GTF2H1: variants seen among roughly 807,000 people sequenced by gnomAD.
The protein encoded by GTF2H1 is BTF2 p62.
In GTF2H1, 16 loss-of-function variants were observed where a neutral mutation model predicts 71.2. That is an observed-to-expected ratio of 0.22 (90% CI 0.15 to 0.34). GTF2H1 has a LOEUF of 0.34. Among genes scored for constraint, GTF2H1 ranks in the 10% least tolerant of loss-of-function variants. The pLI is 1.00. For synonymous variants in GTF2H1, 215 were observed against 219.0 expected (o/e 0.98, Z 0.16); for missense variants, 498 against 648.2 (o/e 0.77, Z 2.52).
intron 11 of GTF2H1, among the ~76,000 whole-genome samples, chr11:18,353,277 C>T (rs911646606): frequency 6.6e-6 from 1 of 152,160 alleles, no homozygotes; most frequent in Non-Finnish European, 1.5e-5. Flanking sequence ...TGTATTTTAT[C>T]ACTGCGGCTT....
chr11:18,332,997 A>G (rs1864936273), intron 1 of GTF2H1, 63 bp from the exon 2 acceptor site: 15 of 1,184,846 alleles, frequency 1.3e-5, no homozygotes, highest in Non-Finnish European at 1.8e-5. Flanking sequence ...CTAGAAGTCA[A>G]CAAATTCAAC....
At chr11:18,345,951 C>T (rs564968395) in intron 7 of GTF2H1, among the ~76,000 whole-genome samples, 8 of 152,084 alleles carry the variant, frequency 5.3e-5, no homozygotes, top group Middle Eastern at 3.4e-3. Context: ...CCACCTCGCC[C>T]GGCTAATTTT....
At chr11:18,347,494 T>C (rs1865320357) in intron 7 of GTF2H1, 94 bp from the exon 8 acceptor site, 1 of 729,428 alleles carries the variant, frequency 1.4e-6, no homozygotes, top group Non-Finnish European at 2.2e-6. Context: ...GTAATAAAAG[T>C]CCCATCATCC....
intron 3 of GTF2H1, among the ~76,000 whole-genome samples, chr11:18,337,115 A>T (rs550562549): frequency 1.3e-5 from 2 of 152,160 alleles, no homozygotes; most frequent in Non-Finnish European, 2.9e-5. Flanking sequence ...ATATCTGTGC[A>T]TGCTTAGCGC....
chr11:18,336,443 T>C (rs944054707), intron 3 of GTF2H1, among the ~76,000 whole-genome samples: 1 of 152,222 alleles, frequency 6.6e-6, no homozygotes, highest in East Asian at 1.9e-4. Context: ...TCCTCACTTT[T>C]GCTATGATAC....
At chr11:18,356,368 ACT>A (rs1865545535) in intron 11 of GTF2H1, among the ~76,000 whole-genome samples, 1 of 136,602 alleles carries the variant, frequency 7.3e-6, no homozygotes, top group African/African-American at 2.9e-5. Context: ...ATAGAGTGAG[ACT>A]CTGTCTCAAA....
At chr11:18,355,958 G>C (rs1461634298) in intron 11 of GTF2H1, among the ~76,000 whole-genome samples, 3 of 152,154 alleles carry the variant, frequency 2.0e-5, no homozygotes, top group African/African-American at 7.2e-5. Context: ...GTGTCTTTCT[G>C]ACAATATCCC....
chr11:18,340,829 C>A (rs913555268), intron 5 of GTF2H1, among the ~76,000 whole-genome samples: 2 of 152,136 alleles, frequency 1.3e-5, no homozygotes, highest in African/African-American at 4.8e-5. Flanking sequence ...GCTCAGCAAA[C>A]AATGCTGTTG....
At position 18,347,882 on chromosome 11, in the gene GTF2H1, C is replaced by G; in HGVS notation, c.1016C>G (p.Ser339Cys). ...TSEPSNMDGN[S>C]GDADCFQPAV... ...GAGCCCAGCAACATGGATGGAAATT[C>G]CGGAGATGCAGACTGCTTTCAGCCA... The change falls in exon 9 of 15, where the codon TCC (serine) becomes TGC (cysteine). Residue 339 changes from serine (S) to cysteine (C), a missense_variant. By Grantham distance (112) the Ser-to-Cys change is moderately radical (BLOSUM62 -1). Around this residue, in one of 3 missense-constraint regions of GTF2H1, gnomAD observed 266 missense variants for 301.6 expected, o/e 0.88. Coordinates refer to ENST00000265963, the MANE Select transcript of GTF2H1 (RefSeq NM_005316.4). 6.2e-7 allele frequency: 1 copy of G among 1,613,614 alleles called. No individual in the cohort carries two copies. Among genetic ancestry groups the G allele is most frequent in the Non-Finnish European group, 8.5e-7 (1 of 1,179,788 alleles).
At chr11:18,339,054 C>T (rs1865097050) in intron 4 of GTF2H1, among the ~76,000 whole-genome samples, 1 of 152,096 alleles carries the variant, frequency 6.6e-6, no homozygotes, top group African/African-American at 2.4e-5. Flanking sequence ...AATACCTTAT[C>T]TGTGGAATTA....
chr11:18,327,889 T>G (rs1051596204), intron 1 of GTF2H1, among the ~76,000 whole-genome samples: 3 of 152,204 alleles, frequency 2.0e-5, no homozygotes, highest in African/African-American at 7.2e-5. Flanking sequence ...CTGCCCAGCC[T>G]AAATTTTAGA....
intron 9 of GTF2H1, among the ~76,000 whole-genome samples, chr11:18,350,706 A>G (rs1017977976): frequency 2.0e-5 from 3 of 152,236 alleles, no homozygotes; most frequent in Non-Finnish European, 4.4e-5. Context: ...AATAACCTGA[A>G]TGTTCTGATT....
At chr11:18,325,327 G>A (rs1380146403) in intron 1 of GTF2H1, among the ~76,000 whole-genome samples, 1 of 152,168 alleles carries the variant, frequency 6.6e-6, no homozygotes, top group Non-Finnish European at 1.5e-5. Context: ...ATGAGAAATG[G>A]TACATTGATC....
At chr11:18,365,314 G>T (rs114103986) in intron 14 of GTF2H1, among the ~76,000 whole-genome samples, 6 of 152,144 alleles carry the variant, frequency 3.9e-5, no homozygotes, top group South Asian at 2.1e-4. Context: ...TGAGGTGGAG[G>T]CTGCAGTGAG....
intron 14 of GTF2H1, 101 bp from the exon 15 acceptor site, chr11:18,365,682 A>C (rs1865807436): frequency 2.7e-6 from 2 of 749,286 alleles, no homozygotes; most frequent in Non-Finnish European, 4.8e-6. Context: ...AATACAGAGG[A>C]GCTCCGAAAC....
chr11:18,335,990 C>G (rs907637876), intron 3 of GTF2H1, 44 bp downstream of exon 3: 1 of 1,442,672 alleles, frequency 6.9e-7, no homozygotes. Flanking sequence ...ACTGGGTTCT[C>G]TATAGTCTCC....
chr11:18,359,114 AAAAGAT>A (rs1865637822), intron 13 of GTF2H1, among the ~76,000 whole-genome samples: 1 of 152,240 alleles, frequency 6.6e-6, no homozygotes, highest in African/African-American at 2.4e-5. Context: ...ATGATTAAGT[AAAAGAT>A]AAAGACCTCA....
At chr11:18,343,119 A>G (rs1011437144) in intron 7 of GTF2H1, among the ~76,000 whole-genome samples, 7 of 152,082 alleles carry the variant, frequency 4.6e-5, no homozygotes, top group African/African-American at 1.7e-4. Context: ...GCGGGGTTTC[A>G]TCATGTTGGC....
chr11:18,353,571 AAGACTC>A (rs1282855941), intron 11 of GTF2H1, among the ~76,000 whole-genome samples: 6 of 152,242 alleles, frequency 3.9e-5, no homozygotes, highest in Non-Finnish European at 7.3e-5. Context: ...ATAATTACTC[AAGACTC>A]AGCTCCAGTT....
Sources: allele counts gnomAD v4.1 joint callset (sites outside exome capture counted in the v4.1 genomes callset), GRCh38; gene constraint gnomAD v4.1.1; regional missense constraint gnomAD v4.1.1; transcripts MANE v1.5; gene names NCBI Gene and HGNC (gene_info 2026-07-23, HGNC 2026-07-21).